Variants in THUMPD2 observed in about 807,000 individuals in gnomAD.
THUMPD2 encodes THUMP domain 2 tRNA and snRNA guanosine methyltransferase.
Under a neutral mutation model 49.4 loss-of-function variants are expected in THUMPD2, and 56 were observed. The observed-to-expected ratio is 1.13, with a 90% CI of 0.91 to 1.41. The LOEUF is 1.41. Among genes scored for constraint, THUMPD2 ranks in the 40% most tolerant of loss-of-function variants. The pLI is 0.00. For missense variants in THUMPD2, 709 were observed against 594.5 expected, an observed-to-expected ratio of 1.19 and a Z score of -2.00; for synonymous variants, 237 against 205.2, an observed-to-expected ratio of 1.15 and a Z score of -1.32.
intron 1 of THUMPD2, among the ~76,000 whole-genome samples, chr2:39,775,162 G>C (rs1244664289): frequency 1.3e-5 from 2 of 152,124 alleles, no homozygotes; most frequent in Non-Finnish European, 2.9e-5. Context: ...TGTAGTCCAA[G>C]AGGCTACTCA....
rs1265994644 is a variant in THUMPD2, at chr2:39,736,828, G to A, written c.1419C>T (p.Gly473=). Reference sequence around the variant, plus strand: ...TGTAGCATTCCACTGGTACCAAGGAGCCAAATGGTGACATTCTGTCTAAGA... The same window carrying A: ...TGTAGCATTCCACTGGTACCAAGGAACCAAATGGTGACATTCTGTCTAAGA... ...HKFLDRMSPF[G]SLVPVECYKV... The change falls in exon 10 of 10, where the codon GGC becomes GGT. Residue 473 remains glycine (G), a synonymous_variant. Transcript: ENST00000505747. 2 of 1,614,082 alleles carry A rather than the reference G, an allele frequency of 1.2e-6. No homozygotes were observed. The highest frequency in any genetic ancestry group is 2.7e-5 in the African/African-American group (2 of 74,930).
chr2:39,752,680 C>T (rs1046408389), intron 8 of THUMPD2, among the ~76,000 whole-genome samples: 7 of 152,058 alleles, frequency 4.6e-5, no homozygotes, highest in African/African-American at 7.2e-5. Context: ...TTCTTTCCTC[C>T]AGAAAGTTAT....
intron 5 of THUMPD2, among the ~76,000 whole-genome samples, chr2:39,762,115 A>G (rs1676896552): frequency 6.6e-6 from 1 of 152,164 alleles, no homozygotes. Flanking sequence ...AATGCAATGA[A>G]CAAGCAGAAT....
chr2:39,756,962 A>G (rs1676222525), intron 6 of THUMPD2, among the ~76,000 whole-genome samples: 1 of 150,752 alleles, frequency 6.6e-6, no homozygotes, highest in Non-Finnish European at 1.5e-5. Flanking sequence ...AAAAAAAAAA[A>G]GAAACTGAGA....
At chr2:39,774,243 TTA>T (rs1678774809) in intron 1 of THUMPD2, among the ~76,000 whole-genome samples, 1 of 152,244 alleles carries the variant, frequency 6.6e-6, no homozygotes, top group Non-Finnish European at 1.5e-5. Flanking sequence ...GGATAAATAA[TTA>T]TCTTACTTGT....
chr2:39,746,098 G>C (rs190775544), intron 8 of THUMPD2, among the ~76,000 whole-genome samples: 1 of 152,194 alleles, frequency 6.6e-6, no homozygotes, highest in Non-Finnish European at 1.5e-5. Flanking sequence ...TTCAGTAACC[G>C]TTAGCTGCTT....
chr2:39,776,813 G>C (rs1178047451), intron 1 of THUMPD2, among the ~76,000 whole-genome samples: 1 of 152,190 alleles, frequency 6.6e-6, no homozygotes, highest in African/African-American at 2.4e-5. Context: ...TCTGAGAGGG[G>C]AGCATGTTTT....
intron 9 of THUMPD2, among the ~76,000 whole-genome samples, chr2:39,742,893 T>C (rs939938706): frequency 6.6e-6 from 1 of 152,174 alleles, no homozygotes; most frequent in Non-Finnish European, 1.5e-5. Context: ...GAATGTGATA[T>C]TGGGCAGCAG....
chr2:39,776,012 C>T (rs965701249), intron 1 of THUMPD2, among the ~76,000 whole-genome samples: 2 of 152,128 alleles, frequency 1.3e-5, no homozygotes, highest in Non-Finnish European at 2.9e-5. Context: ...AATCAACTGA[C>T]AGGACTCTTC....
chr2:39,755,214 G>A, intron 8 of THUMPD2, 81 bp downstream of exon 8: 2 of 969,724 alleles, frequency 2.1e-6, no homozygotes, highest in South Asian at 1.7e-5. Flanking sequence ...CCTTTACATA[G>A]TGAGACTTGT....
chr2:39,769,465 G>C (rs1028598205), intron 3 of THUMPD2: 17 of 361,802 alleles, frequency 4.7e-5, no homozygotes, highest in African/African-American at 2.7e-4. Flanking sequence ...ACTTTGGGAG[G>C]CCGAGGTGGT....
chr2:39,766,173 T>C, intron 4 of THUMPD2, 64 bp from the exon 5 acceptor site: 2 of 1,231,694 alleles, frequency 1.6e-6, no homozygotes, highest in Non-Finnish European at 2.2e-6. Flanking sequence ...TACTGACAAT[T>C]TGAAATTTCC....
At chr2:39,737,704 C>T (rs115423501) in intron 9 of THUMPD2, among the ~76,000 whole-genome samples, 114 of 152,242 alleles carry the variant, frequency 7.5e-4, no homozygotes, top group African/African-American at 2.6e-3. Flanking sequence ...GTCCCAAACC[C>T]GAGCATGGGA....
At chr2:39,755,667 A>C (rs532974972) in intron 7 of THUMPD2, among the ~76,000 whole-genome samples, 1 of 152,308 alleles carries the variant, frequency 6.6e-6, no homozygotes, top group East Asian at 1.9e-4. Context: ...GGTCATGACT[A>C]ATGATTAGAA....
At position 39,750,284 on chromosome 2, in the gene THUMPD2, C is replaced by T. The variant is rs549194739; in HGVS notation, c.1078+5011G>A. On this transcript the variant is annotated intron_variant, in intron 8 of 9. Coordinates refer to ENST00000505747, the MANE Select transcript of THUMPD2 (RefSeq NM_025264.5). ...TGTTGTTTCTGGACTTTTTAATAAT[C>T]GCCATTCTGACTGGCATGAGATGGT... Among the ~76,000 whole-genome samples, 4 of 152,268 alleles carry T rather than the reference C, an allele frequency of 2.6e-5. No homozygotes were observed. In the South Asian group the frequency reaches 6.2e-4, roughly 24 times the overall value.
At chr2:39,778,948 T>C (rs1679485311) in intron 1 of THUMPD2, among the ~76,000 whole-genome samples, 166 bp downstream of exon 1, 1 of 152,216 alleles carries the variant, frequency 6.6e-6, no homozygotes, top group Non-Finnish European at 1.5e-5. Flanking sequence ...TGGTGGCTTC[T>C]CTCGGCCGGA....
chr2:39,755,981 T>A (rs778624016), intron 6 of THUMPD2, 21 bp from the exon 7 acceptor site: 1 of 1,609,324 alleles, frequency 6.2e-7, no homozygotes, highest in Non-Finnish European at 8.5e-7. Flanking sequence ...AAATATTAAT[T>A]TGGTATTATT....
chr2:39,749,295 T>C (rs1675064284), intron 8 of THUMPD2, among the ~76,000 whole-genome samples: 1 of 152,190 alleles, frequency 6.6e-6, no homozygotes, highest in Admixed American at 6.5e-5. Flanking sequence ...AAGCTACTAC[T>C]GGAATTGACT....
intron 1 of THUMPD2, among the ~76,000 whole-genome samples, chr2:39,777,828 G>A (rs1679316925): frequency 6.6e-6 from 1 of 152,002 alleles, no homozygotes; most frequent in African/African-American, 2.4e-5. Context: ...CATTTCATTT[G>A]TCTTTAGAGA....
Sources: allele counts gnomAD v4.1 joint callset (sites outside exome capture counted in the v4.1 genomes callset), GRCh38; gene constraint gnomAD v4.1.1; transcripts MANE v1.5; gene names NCBI Gene and HGNC (gene_info 2026-07-23, HGNC 2026-07-21).